Variants in IL1RAPL2 observed in about 807,000 individuals in gnomAD.
IL1RAPL2 encodes the protein X-linked interleukin-1 receptor accessory protein-like 2.
Under a neutral mutation model 44.1 loss-of-function variants are expected in IL1RAPL2, and 3 were observed. That is an observed-to-expected ratio of 0.07 (90% CI 0.03 to 0.18). IL1RAPL2 has a LOEUF of 0.18. Ranked by LOEUF, IL1RAPL2 falls within the 10% of genes least tolerant of loss-of-function variation. IL1RAPL2 has a pLI of 1.00. For missense variants in IL1RAPL2, 391 were observed against 496.4 expected (o/e 0.79, Z 2.02); for synonymous variants, 181 against 178.8 (o/e 1.01, Z -0.10).
intron 3 of IL1RAPL2, among the ~76,000 whole-genome samples, chrX:105,218,433 G>C (rs1040626482): frequency 9.0e-6 from 1 of 110,919 alleles, no homozygotes; most frequent in Non-Finnish European, 1.9e-5. Flanking sequence ...TCATGGAATC[G>C]GCCTCTCTGT....
At chrX:104,578,493 A>G (rs1421439556) in intron 1 of IL1RAPL2, among the ~76,000 whole-genome samples, 1 of 111,621 alleles carries the variant, frequency 9.0e-6, no homozygotes, top group African/African-American at 3.3e-5. Flanking sequence ...GGTTCTTTTA[A>G]TGTTGAATCA....
chrX:104,622,276 C>T (rs899917623), intron 1 of IL1RAPL2, among the ~76,000 whole-genome samples: 2 of 109,251 alleles, frequency 1.8e-5, no homozygotes, highest in African/African-American at 3.3e-5. Flanking sequence ...CTCCTGGTGT[C>T]GGTGTAATAT....
intron 2 of IL1RAPL2, among the ~76,000 whole-genome samples, chrX:105,128,390 G>A (rs2032995821): frequency 9.1e-6 from 1 of 110,310 alleles, no homozygotes; most frequent in Admixed American, 9.7e-5. Context: ...TTAACAACAT[G>A]ATGTGTATAT....
intron 1 of IL1RAPL2, among the ~76,000 whole-genome samples, chrX:104,576,461 C>G (rs1928245730): frequency 9.0e-6 from 1 of 111,648 alleles, no homozygotes; most frequent in African/African-American, 3.3e-5. Flanking sequence ...TCAATTTTGT[C>G]TTTATATTCT....
intron 2 of IL1RAPL2, among the ~76,000 whole-genome samples, chrX:105,085,495 A>G (rs1028620283): frequency 1.8e-5 from 2 of 112,603 alleles, no homozygotes; most frequent in African/African-American, 6.4e-5. Flanking sequence ...ACCAGTCAGA[A>G]TGGCTACTAT....
At chrX:105,189,297 C>T (rs1332553821) in intron 2 of IL1RAPL2, among the ~76,000 whole-genome samples, 1 of 112,250 alleles carries the variant, frequency 8.9e-6, no homozygotes, top group African/African-American at 3.2e-5. Flanking sequence ...TGCTGGTGTG[C>T]AGTGGTGCGA....
chrX:105,009,076 GA>G (rs2030997809), intron 2 of IL1RAPL2, among the ~76,000 whole-genome samples: 1 of 111,238 alleles, frequency 9.0e-6, no homozygotes, highest in East Asian at 2.8e-4. Context: ...TTAGAATGGC[GA>G]GTATTAAAAA....
intron 2 of IL1RAPL2, among the ~76,000 whole-genome samples, chrX:104,746,003 G>A (rs1883208): frequency 0.37 from 40,673 of 110,443 alleles, 5,841 homozygotes; most frequent in East Asian, 0.47. Flanking sequence ...GATTCATTGC[G>A]TAAATCATTT....
intron 4 of IL1RAPL2, among the ~76,000 whole-genome samples, chrX:105,261,521 T>A (rs1235555761): frequency 9.0e-6 from 1 of 111,427 alleles, no homozygotes; most frequent in Admixed American, 9.6e-5. Context: ...GTTTTTTGAG[T>A]TGGTGTACCT....
chrX:105,460,966 T>G (rs773559178), intron 5 of IL1RAPL2, among the ~76,000 whole-genome samples: 1 of 112,005 alleles, frequency 8.9e-6, no homozygotes, highest in South Asian at 3.7e-4. Flanking sequence ...GAGATATGAT[T>G]GAAGGAACAC....
At chrX:104,696,314 C>A (rs1931182537) in intron 2 of IL1RAPL2, among the ~76,000 whole-genome samples, 1 of 111,772 alleles carries the variant, frequency 8.9e-6, no homozygotes, top group Non-Finnish European at 1.9e-5. Context: ...GTTCAGGAAC[C>A]CAGGTGTTCT....
rs28433385 is a variant in IL1RAPL2 at position 105,577,126 on chromosome X, C to T, written c.772+92739C>T. 6.8e-3 allele frequency among the ~76,000 whole-genome samples: 759 copies of T among 111,520 alleles called. 7 individuals are homozygous for T. The highest frequency in any genetic ancestry group is 0.023 in the African/African-American group (711 of 30,756). On this transcript the variant is annotated intron_variant, in intron 6 of 10. Transcript: ENST00000372582. ...AGCTGACAATACCAAGAGTCCACCT[C>T]TAACATTATTCCTGGGAGAAGCGGC...
intron 2 of IL1RAPL2, among the ~76,000 whole-genome samples, chrX:104,846,344 C>A (rs1197518929): frequency 9.1e-6 from 1 of 109,943 alleles, no homozygotes; most frequent in Non-Finnish European, 1.9e-5. Flanking sequence ...TATCCCTCCC[C>A]CCTCTCCCCA....
rs1877499831 is a variant in IL1RAPL2, at chrX:105,412,340, A to G, written c.698-71973A>G. ...TATATATATATATATATATATATAT[A>G]CAATGGAATACTATTCAGCCATAAA... On this transcript the variant is annotated intron_variant, in intron 5 of 10. Transcript: ENST00000372582. 2.9e-5 allele frequency among the ~76,000 whole-genome samples: 3 copies of G among 102,077 alleles called. No homozygotes were observed. In the South Asian group the frequency reaches 1.3e-3, roughly 45 times the overall value. 88.6% of individuals were successfully genotyped at this position (102,077 alleles called of 115,157 possible).
chrX:104,660,923 A>G (rs1327224645), intron 2 of IL1RAPL2, among the ~76,000 whole-genome samples: 3 of 98,059 alleles, frequency 3.1e-5, no homozygotes, highest in African/African-American at 4.1e-5. Context: ...ACAGAACCAG[A>G]CCCTGTCTAT....
intron 6 of IL1RAPL2, among the ~76,000 whole-genome samples, chrX:105,526,777 T>C (rs2036597906): frequency 8.9e-6 from 1 of 112,052 alleles, no homozygotes; most frequent in African/African-American, 3.2e-5. Flanking sequence ...ACATCTTGGC[T>C]GTTGATTTAG....
intron 2 of IL1RAPL2, among the ~76,000 whole-genome samples, chrX:104,734,919 T>C (rs1334814886): frequency 2.7e-5 from 3 of 112,202 alleles, no homozygotes; most frequent in Non-Finnish European, 5.6e-5. Flanking sequence ...GGTGTAATTA[T>C]TAATAGTGTC....
chrX:104,745,939 A>G (rs778763839), intron 2 of IL1RAPL2, among the ~76,000 whole-genome samples: 1 of 111,836 alleles, frequency 8.9e-6, no homozygotes, highest in East Asian at 2.8e-4. Flanking sequence ...GGTGTCTAGC[A>G]TGTAATAGAT....
At chrX:105,526,535 A>G (rs2036596023) in intron 6 of IL1RAPL2, among the ~76,000 whole-genome samples, 1 of 111,965 alleles carries the variant, frequency 8.9e-6, no homozygotes, top group Admixed American at 9.5e-5. Context: ...AATATTGAAC[A>G]AAGCATCACA....
Sources: allele counts gnomAD v4.1 joint callset (sites outside exome capture counted in the v4.1 genomes callset), GRCh38; gene constraint gnomAD v4.1.1; transcripts MANE v1.5; gene names NCBI Gene and HGNC (gene_info 2026-07-23, HGNC 2026-07-21).